NTN4: variants seen among roughly 807,000 people sequenced by gnomAD.
The protein encoded by NTN4 is netrin 4.
NTN4 carries 32 observed loss-of-function variants against 73.6 expected under a neutral mutation model. The observed-to-expected ratio is 0.44, with a 90% confidence interval of 0.33 to 0.58. The LOEUF (loss-of-function observed/expected upper bound fraction) is 0.58, where lower values mean the gene tolerates loss of function less well. NTN4 is among the 20% of genes least tolerant of loss of function. The pLI is 0.04. For missense variants in NTN4, 654 were observed against 798.3 expected, an observed-to-expected ratio of 0.82 and a Z score of 2.18; for synonymous variants, 258 against 287.5, an observed-to-expected ratio of 0.90 and a Z score of 1.04.
intron 3 of NTN4, among the ~76,000 whole-genome samples, chr12:95,736,772 G>C (rs144172780): frequency 6.6e-6 from 1 of 152,120 alleles, no homozygotes; most frequent in Non-Finnish European, 1.5e-5. Context: ...TTTCTATTTT[G>C]GTTACTTTCT....
At chr12:95,771,140 C>T (rs1490817248) in intron 2 of NTN4, among the ~76,000 whole-genome samples, 1 of 151,968 alleles carries the variant, frequency 6.6e-6, no homozygotes. Flanking sequence ...CAGGCGCCTG[C>T]TACCACGCCC....
chr12:95,783,941 C>T lies in NTN4; in HGVS notation c.585+2998G>A, dbSNP rs1043746624. On this transcript the variant is annotated intron_variant, in intron 2 of 9. Coordinates refer to ENST00000343702, the MANE Select transcript of NTN4 (RefSeq NM_021229.4). ...TGGCTGACTCTTTAGACATGAAGCTCCAGGCTCTCAAAACCCAAAGCAGTA... is the reference window on the plus strand; with the variant it reads ...TGGCTGACTCTTTAGACATGAAGCTTCAGGCTCTCAAAACCCAAAGCAGTA... Among the ~76,000 whole-genome samples, 7 of 152,236 alleles carry T rather than the reference C, an allele frequency of 4.6e-5. No individual in the cohort carries two copies. In the East Asian group the frequency reaches 1.4e-3, roughly 29 times the overall value.
At chr12:95,731,759 C>T (rs960398974) in intron 3 of NTN4, among the ~76,000 whole-genome samples, 4 of 152,030 alleles carry the variant, frequency 2.6e-5, no homozygotes. Context: ...CTGGTTAGAT[C>T]CAAGTCTTTC....
intron 2 of NTN4, among the ~76,000 whole-genome samples, chr12:95,749,095 C>G (rs1344195118): frequency 6.6e-6 from 1 of 152,180 alleles, no homozygotes; most frequent in East Asian, 1.9e-4. Flanking sequence ...CTACCCCTGC[C>G]CACCAGAAAA....
intron 7 of NTN4, chr12:95,670,952 T>TTTTG (rs1555213617): frequency 1.3e-5 from 2 of 148,824 alleles, no homozygotes; most frequent in African/African-American, 2.5e-5. Flanking sequence ...ATAGTTTATT[T>TTTTG]TATGTATGTA....
At chr12:95,714,775 G>A (rs1402862305) in intron 3 of NTN4, among the ~76,000 whole-genome samples, 1 of 152,132 alleles carries the variant, frequency 6.6e-6, no homozygotes, top group African/African-American at 2.4e-5. Flanking sequence ...AACTTTTCAG[G>A]AAAAGGAAAC....
chr12:95,770,065 A>G (rs572502463), intron 2 of NTN4, among the ~76,000 whole-genome samples: 1 of 152,256 alleles, frequency 6.6e-6, no homozygotes, highest in South Asian at 2.1e-4. Flanking sequence ...CGGGTTTTCA[A>G]TCTTGTCTAC....
Position 95,780,031 on chromosome 12 carries a change from C to T in NTN4, c.585+6908G>A, listed in dbSNP as rs188944397. Among the ~76,000 whole-genome samples, 26 of 152,198 alleles carry T rather than the reference C, an allele frequency of 1.7e-4. No homozygotes were observed. The East Asian group carries it at 2.5e-3, about 15-fold the overall frequency. ...ACCATCTGATCTTTGACAAACCTGA[C>T]AAAAACAAGAAATGGGGAGAGGATT... On this transcript the variant is annotated intron_variant, in intron 2 of 9. Coordinates refer to ENST00000343702, the MANE Select transcript of NTN4 (RefSeq NM_021229.4).
intron 5 of NTN4, among the ~76,000 whole-genome samples, chr12:95,692,843 C>A (rs971055912): frequency 6.6e-6 from 1 of 152,172 alleles, no homozygotes; most frequent in African/African-American, 2.4e-5. Context: ...GAACTAGATT[C>A]TGGTGATGAG....
intron 5 of NTN4, among the ~76,000 whole-genome samples, chr12:95,701,791 T>C (rs2078486854): frequency 6.6e-6 from 1 of 152,190 alleles, no homozygotes; most frequent in Non-Finnish European, 1.5e-5. Flanking sequence ...CAGTAAGTCC[T>C]TGGCTTAACC....
chr12:95,682,586 T>C (rs966571549), intron 7 of NTN4, 121 bp downstream of exon 7: 5 of 597,632 alleles, frequency 8.4e-6, no homozygotes, highest in African/African-American at 3.7e-5. Flanking sequence ...TATTATACCA[T>C]GAAACCCCAG....
rs542910367 is a variant in NTN4, at chr12:95,677,718, A to G, written c.1510+4989T>C. ...CTGGCAAGGCTGTAGAGAAATAGGA[A>G]TGCATTTACACTGTTGGCAGGAGTG... On this transcript the variant is annotated intron_variant, in intron 7 of 9. Transcript: ENST00000343702. 3.5e-4 allele frequency among the ~76,000 whole-genome samples: 53 copies of G among 152,334 alleles called. No individual in the cohort carries two copies. In the South Asian group the frequency reaches 9.7e-3, roughly 28 times the overall value.
chr12:95,757,845 TG>T (rs1428706800), intron 2 of NTN4, among the ~76,000 whole-genome samples: 4 of 152,044 alleles, frequency 2.6e-5, no homozygotes, highest in African/African-American at 9.7e-5. Flanking sequence ...AAAACCTTTC[TG>T]GGTTTGGCTG....
At position 95,789,141 on chromosome 12, in the gene NTN4, A is replaced by T. The variant is rs1364479797; in HGVS notation, c.55+1114T>A. 6.6e-6 allele frequency among the ~76,000 whole-genome samples: 1 copy of T among 152,190 alleles called. No homozygotes were observed. The highest frequency in any genetic ancestry group is 1.5e-5 in the Non-Finnish European group (1 of 68,032). On this transcript the variant is annotated intron_variant, in intron 1 of 9. Transcript: ENST00000343702. The surrounding 1 kb of genome is among the most constrained non-coding windows in gnomAD (Gnocchi z 4.0). ...CCAGATAAAGAATCCATGGGGCAAA[A>T]TACTTGGAGTCACTCAAGGGACTAT...
intron 2 of NTN4, among the ~76,000 whole-genome samples, chr12:95,761,326 C>CTTTTT (rs397969115): frequency 3.0e-5 from 4 of 133,166 alleles, no homozygotes; most frequent in Admixed American, 8.8e-5. Flanking sequence ...AAGAGATATT[C>CTTTTT]TTTTTTTTTT....
At chr12:95,727,223 T>C (rs73223857) in intron 3 of NTN4, among the ~76,000 whole-genome samples, 14,368 of 152,268 alleles carry the variant, frequency 0.094, 945 homozygotes, top group Non-Finnish European at 0.14. Flanking sequence ...ATACCTTCTT[T>C]GGGTGGCTCA....
intron 9 of NTN4, among the ~76,000 whole-genome samples, chr12:95,661,384 T>C (rs1416008190): frequency 6.6e-6 from 1 of 152,218 alleles, no homozygotes; most frequent in African/African-American, 2.4e-5. Flanking sequence ...CAGACTCTAA[T>C]GAAATTATTG....
chr12:95,738,065 G>T lies in NTN4; in HGVS notation c.665C>A (p.Thr222Asn). The T allele has an allele frequency of 6.2e-7, 1 of 1,614,106 alleles. No individual in the cohort carries two copies. The highest frequency in any genetic ancestry group is 8.5e-7 in the Non-Finnish European group (1 of 1,179,972). ...SAKVQEQLKI[T>N]NLRVQLLKRQ... Reference sequence around the variant, plus strand: ...TTTCAGCAGCTGCACGCGAAGGTTGGTGATCTTCAGCTGCTCCTGAACTTT... The same window carrying T: ...TTTCAGCAGCTGCACGCGAAGGTTGTTGATCTTCAGCTGCTCCTGAACTTT... The change falls in exon 3 of 10, where the codon ACC becomes AAC. Residue 222 changes from threonine to asparagine, a missense_variant. Physicochemically the swap from Thr to Asn is moderately conservative, Grantham distance 65. Coordinates refer to ENST00000343702, the MANE Select transcript of NTN4 (RefSeq NM_021229.4).
chr12:95,720,406 C>T (rs1454904958), intron 3 of NTN4, among the ~76,000 whole-genome samples: 1 of 152,170 alleles, frequency 6.6e-6, no homozygotes, highest in Non-Finnish European at 1.5e-5. Context: ...ATTTAGTGTA[C>T]AGCATGGGAA....
Sources: gnomAD v4.1 joint callset for allele counts (sites outside exome capture counted in the v4.1 genomes callset) on GRCh38, gnomAD v4.1.1 for gene constraint, Gnocchi (gnomAD v3.1) non-coding constraint, MANE v1.5 for transcripts, NCBI Gene and HGNC (gene_info 2026-07-23, HGNC 2026-07-21) for gene names.